The following CHCHD6 variants were observed in gnomAD, a reference collection of about 807,000 sequenced individuals.
The protein encoded by CHCHD6 is MICOS complex subunit MIC25.
CHCHD6 carries 28 observed loss-of-function variants against 32.3 expected under a neutral mutation model. The observed-to-expected ratio is 0.87, with a 90% confidence interval of 0.64 to 1.19. The LOEUF is 1.19. Ranked by LOEUF, CHCHD6 falls within the 50% of genes most tolerant of loss-of-function variation. The pLI is 0.00. For synonymous variants in CHCHD6, 122 were observed against 117.5 expected, an observed-to-expected ratio of 1.04 and a Z score of -0.25; for missense variants, 333 against 307.0, an observed-to-expected ratio of 1.08 and a Z score of -0.63.
chr3:126,832,029 G>C (rs186234441), intron 4 of CHCHD6, among the ~76,000 whole-genome samples: 1 of 152,000 alleles, frequency 6.6e-6, no homozygotes, highest in African/African-American at 2.4e-5. Flanking sequence ...GTTGATTAAA[G>C]AAGAGGAAAA....
intron 5 of CHCHD6, among the ~76,000 whole-genome samples, chr3:126,881,618 A>T (rs2077611312): frequency 6.6e-6 from 1 of 152,210 alleles, no homozygotes; most frequent in Non-Finnish European, 1.5e-5. Flanking sequence ...CTGTAAAAAC[A>T]TAGAATTCAG....
At chr3:126,941,017 A>G (rs935880711) in intron 6 of CHCHD6, among the ~76,000 whole-genome samples, 2 of 152,154 alleles carry the variant, frequency 1.3e-5, no homozygotes, top group African/African-American at 4.8e-5. Context: ...GTTGATGTGG[A>G]GATGGGAACC....
At chr3:126,879,028 G>T (rs1576545321) in intron 5 of CHCHD6, among the ~76,000 whole-genome samples, 1 of 152,208 alleles carries the variant, frequency 6.6e-6, no homozygotes. Flanking sequence ...TGGGACCTTT[G>T]CTGGGCTCTT....
Position 126,733,071 on chromosome 3 carries a change from T to C in CHCHD6, c.267-7T>C, listed in dbSNP as rs1356764348. 2 of 1,614,040 alleles carry C rather than the reference T, an allele frequency of 1.2e-6. No individual in the cohort carries two copies. The highest frequency in any genetic ancestry group is 2.2e-5 in the South Asian group (2 of 91,072). On this transcript the variant is annotated splice_region_variant and splice_polypyrimidine_tract_variant and intron_variant, in intron 3 of 7. Transcript: ENST00000290913. The stretch of plus-strand genomic sequence containing the variant: ...CATCTGTTTCTCCTCATGTTTCTTC[T>C]GCACAGGTATGAACAGGAGCATGCT...
At chr3:126,731,015 G>A (rs1320808324) in intron 3 of CHCHD6, among the ~76,000 whole-genome samples, 1 of 149,028 alleles carries the variant, frequency 6.7e-6, no homozygotes, top group African/African-American at 2.5e-5. Flanking sequence ...GGCTGAGGTG[G>A]AAGAATCACT....
At chr3:126,727,570 G>T (rs1935593875) in intron 2 of CHCHD6, among the ~76,000 whole-genome samples, 1 of 152,192 alleles carries the variant, frequency 6.6e-6, no homozygotes, top group Non-Finnish European at 1.5e-5. Flanking sequence ...CGTGAACAGG[G>T]CCAAGTATAG....
intron 2 of CHCHD6, among the ~76,000 whole-genome samples, chr3:126,727,730 G>A (rs140749130): frequency 0.01 from 1,568 of 152,294 alleles, 27 homozygotes; most frequent in African/African-American, 0.035. Context: ...TGTGAAGCTG[G>A]TGCTCAAGCC....
intron 4 of CHCHD6, among the ~76,000 whole-genome samples, chr3:126,794,193 C>T (rs181150689): frequency 1.6e-4 from 24 of 151,832 alleles, no homozygotes; most frequent in Middle Eastern, 3.4e-3. Context: ...CTGTATCATA[C>T]GTTTCTCCTT....
chr3:126,955,957 C>G (rs2078777892), intron 6 of CHCHD6, among the ~76,000 whole-genome samples: 1 of 152,206 alleles, frequency 6.6e-6, no homozygotes, highest in Admixed American at 6.5e-5. Context: ...GGCATCACTG[C>G]TAAGTCAGCA....
intron 4 of CHCHD6, among the ~76,000 whole-genome samples, chr3:126,815,937 T>G (rs1939877494): frequency 6.6e-6 from 1 of 152,180 alleles, no homozygotes; most frequent in Admixed American, 6.5e-5. Flanking sequence ...TTCATCCCTC[T>G]GTGCTTTGTT....
chr3:126,917,142 C>T (rs2078183115), intron 6 of CHCHD6, among the ~76,000 whole-genome samples: 1 of 152,224 alleles, frequency 6.6e-6, no homozygotes, highest in African/African-American at 2.4e-5. Flanking sequence ...CTGAGTGAAG[C>T]CTAAGGTTTT....
Position 126,807,978 on chromosome 3 carries a change from G to A in CHCHD6, c.412-44669G>A, listed in dbSNP as rs147176098. 6.1e-4 allele frequency among the ~76,000 whole-genome samples: 93 copies of A among 152,352 alleles called. 1 individual carries two copies. Among genetic ancestry groups the A allele is most frequent in the African/African-American group, 2.1e-3 (88 of 41,570 alleles). On this transcript the variant is annotated intron_variant, in intron 4 of 7. Coordinates refer to ENST00000290913, the MANE Select transcript of CHCHD6 (RefSeq NM_032343.3). The stretch of plus-strand genomic sequence containing the variant: ...AGTAAAGCTTTATTTACAAAAACAC[G>A]TGGCCAGGTCAGGCCCTGTGTTTCC...
chr3:126,704,346 G>C lies in CHCHD6; in HGVS notation c.34G>C (p.Val12Leu). The C allele has an allele frequency of 6.3e-7, 1 of 1,599,192 alleles. No homozygotes were observed. The highest frequency in any genetic ancestry group is 8.5e-7 in the Non-Finnish European group (1 of 1,174,484). The part of the protein sequence containing the change: ...GSTESSEGRR[V>L]SFGVDEEERV... ...CACGGAGAGCAGCGAGGGCCGCAGG[G>C]TGTCCTTCGGAGTGGACGAGGAGGA... Residue 12 changes from valine to leucine, a missense_variant, in exon 1 of 8, where the codon GTG becomes CTG. Transcript: ENST00000290913.
At chr3:126,753,385 G>A (rs1395233610) in intron 4 of CHCHD6, among the ~76,000 whole-genome samples, 6 of 152,182 alleles carry the variant, frequency 3.9e-5, no homozygotes, top group Non-Finnish European at 8.8e-5. Context: ...GGCTGAGGAG[G>A]AGGGGCACTG....
At chr3:126,842,891 G>T (rs1444444527) in intron 4 of CHCHD6, among the ~76,000 whole-genome samples, 1 of 145,670 alleles carries the variant, frequency 6.9e-6, no homozygotes. Context: ...GTAAAAGAAT[G>T]TAGATATTTA....
At chr3:126,801,053 C>T (rs1256338818) in intron 4 of CHCHD6, among the ~76,000 whole-genome samples, 6 of 152,166 alleles carry the variant, frequency 3.9e-5, no homozygotes, top group Non-Finnish European at 5.9e-5. Context: ...AAATAAAAAC[C>T]GATATAAATG....
At chr3:126,890,270 C>A (rs2077738732) in intron 5 of CHCHD6, among the ~76,000 whole-genome samples, 1 of 152,254 alleles carries the variant, frequency 6.6e-6, no homozygotes, top group Non-Finnish European at 1.5e-5. Context: ...ACTTCCTGGG[C>A]ATGCACGTGT....
intron 6 of CHCHD6, among the ~76,000 whole-genome samples, chr3:126,934,139 A>G (rs373158531): frequency 7.2e-5 from 11 of 152,206 alleles, no homozygotes; most frequent in East Asian, 3.9e-4. Context: ...ATGTGTAGAC[A>G]TATTTATTTG....
At chr3:126,772,954 C>A (rs368348807) in intron 4 of CHCHD6, among the ~76,000 whole-genome samples, 1 of 151,982 alleles carries the variant, frequency 6.6e-6, no homozygotes, top group Non-Finnish European at 1.5e-5. Context: ...ATTTGCTTGT[C>A]GGAAAAGGAT....
Sources: allele counts gnomAD v4.1 joint callset (sites outside exome capture counted in the v4.1 genomes callset), GRCh38; gene constraint gnomAD v4.1.1; transcripts MANE v1.5; gene names NCBI Gene and HGNC (gene_info 2026-07-23, HGNC 2026-07-21).